The following PXDC1 variants were observed in gnomAD, a reference collection of about 807,000 sequenced individuals.
The protein encoded by PXDC1 is PX domain-containing protein 1.
PXDC1 carries 13 observed loss-of-function variants against 24.4 expected under a neutral mutation model. The observed-to-expected ratio is 0.53, with a 90% CI of 0.35 to 0.85. PXDC1 has a LOEUF of 0.85. Ranked by LOEUF, PXDC1 falls within the 40% of genes least tolerant of loss-of-function variation. The pLI is 0.01. For synonymous variants in PXDC1, 162 were observed against 124.9 expected (o/e 1.30, Z -1.98); for missense variants, 344 against 309.3 (o/e 1.11, Z -0.84).
intron 1 of PXDC1, among the ~76,000 whole-genome samples, chr6:3,748,086 CAT>C (rs1760608676): frequency 1.3e-5 from 2 of 152,182 alleles, no homozygotes; most frequent in Admixed American, 6.5e-5. Flanking sequence ...GGAAATTCAA[CAT>C]GTTTATGTTT....
At chr6:3,734,404 G>A (rs897621226) in intron 3 of PXDC1, among the ~76,000 whole-genome samples, 2 of 152,134 alleles carry the variant, frequency 1.3e-5, no homozygotes, top group Non-Finnish European at 2.9e-5. Flanking sequence ...CCCAAACAGA[G>A]CAAAACAAAC....
rs766702184 is a variant in PXDC1, at chr6:3,750,325, G to A, written c.256+951C>T. ...GAGGACTGCAGAAAAGAAGGCTGCT[G>A]GGCCACTGTCCCAATGTTCCGAGCT... On this transcript the variant is annotated intron_variant, in intron 1 of 4. Coordinates refer to ENST00000380283, the MANE Select transcript of PXDC1 (RefSeq NM_183373.4). Among the ~76,000 whole-genome samples, 6 of 152,298 alleles carry A rather than the reference G, an allele frequency of 3.9e-5. No individual in the cohort carries two copies. The South Asian group carries it at 6.2e-4, about 16-fold the overall frequency.
chr6:3,736,259 C>T (rs1210659025), intron 3 of PXDC1, among the ~76,000 whole-genome samples: 1 of 152,168 alleles, frequency 6.6e-6, no homozygotes, highest in Admixed American at 6.5e-5. Flanking sequence ...CTTCCTCCTC[C>T]ATTCAGAAAC....
chr6:3,747,325 T>C (rs1371931689), intron 1 of PXDC1, among the ~76,000 whole-genome samples: 1 of 152,158 alleles, frequency 6.6e-6, no homozygotes, highest in African/African-American at 2.4e-5. Flanking sequence ...CCTGCTCTGC[T>C]GCACCAGCCC....
chr6:3,726,435 C>T (rs1303269401), intron 4 of PXDC1, among the ~76,000 whole-genome samples: 2 of 152,256 alleles, frequency 1.3e-5, no homozygotes, highest in Non-Finnish European at 1.5e-5. Context: ...GCCTCTGCCA[C>T]CAGCAGCTCA....
At chr6:3,738,030 C>G (rs1409006264) in intron 2 of PXDC1, 27 bp downstream of exon 2, 1 of 1,572,090 alleles carries the variant, frequency 6.4e-7, no homozygotes, top group Non-Finnish European at 8.7e-7. Flanking sequence ...CACCTCCCTG[C>G]CCAGCCCGGG....
At position 3,725,045 on chromosome 6, in the gene PXDC1, G is replaced by A. The variant is rs1159105003; in HGVS notation, c.579-1309C>T. Reference sequence around the variant, plus strand: ...CGCGGCACAAAGAGCCCTAGCTGTGGGTGGGAAAGCTATGGGGGGCTCACG... The same window carrying A: ...CGCGGCACAAAGAGCCCTAGCTGTGAGTGGGAAAGCTATGGGGGGCTCACG... On this transcript the variant is annotated intron_variant, in intron 4 of 4. Transcript: ENST00000380283. This position sits in a 1 kb window ranked among gnomAD's most constrained non-coding sequence, Gnocchi z 4.8. Among the ~76,000 whole-genome samples the A allele has an allele frequency of 1.3e-5, 2 of 152,118 alleles. No homozygotes were observed. Among genetic ancestry groups the A allele is most frequent in the African/African-American group, 4.8e-5 (2 of 41,416 alleles).
chr6:3,736,570 G>C (rs1760321497), intron 3 of PXDC1, among the ~76,000 whole-genome samples: 1 of 152,200 alleles, frequency 6.6e-6, no homozygotes, highest in South Asian at 2.1e-4. Context: ...CTGCAACCCA[G>C]ATCTTAGTAA....
At position 3,725,077 on chromosome 6, in the gene PXDC1, G is replaced by C. The variant is rs1188754616; in HGVS notation, c.579-1341C>G. ...AAGCTATGGGGGGCTCACGGAGACA[G>C]AGCAGCTCTCCAACTTCATCCAGGG... On this transcript the variant is annotated intron_variant, in intron 4 of 4. Coordinates refer to ENST00000380283, the MANE Select transcript of PXDC1 (RefSeq NM_183373.4). The surrounding 1 kb of genome is among the most constrained non-coding windows in gnomAD (Gnocchi z 4.8). 1.3e-5 allele frequency among the ~76,000 whole-genome samples: 2 copies of C among 152,140 alleles called. No homozygotes were observed. Among genetic ancestry groups the C allele is most frequent in the African/African-American group, 4.8e-5 (2 of 41,422 alleles).
rs1248819879 is a variant in PXDC1, at chr6:3,728,877, G to A, written c.467-1215C>T. Among the ~76,000 whole-genome samples the A allele has an allele frequency of 6.6e-6, 1 of 152,180 alleles. No homozygotes were observed. The highest frequency in any genetic ancestry group is 2.4e-5 in the African/African-American group (1 of 41,434). ...GAGCTAAAGTCCTCCAGCTGCCCGT[G>A]AGCCTGCTCATCTCCTAACCACAGC... On this transcript the variant is annotated intron_variant, in intron 3 of 4. Transcript: ENST00000380283. This position sits in a 1 kb window ranked among gnomAD's most constrained non-coding sequence, Gnocchi z 4.0.
chr6:3,744,017 T>C (rs1760508041), intron 1 of PXDC1, among the ~76,000 whole-genome samples: 1 of 152,234 alleles, frequency 6.6e-6, no homozygotes, highest in Non-Finnish European at 1.5e-5. Flanking sequence ...CTGCCTTCTG[T>C]ACCTGGGAGG....
intron 1 of PXDC1, among the ~76,000 whole-genome samples, chr6:3,747,013 T>C (rs1760585774): frequency 6.6e-6 from 1 of 152,036 alleles, no homozygotes; most frequent in African/African-American, 2.4e-5. Context: ...ATGTCTTTGG[T>C]GATAAAGATG....
chr6:3,734,317 C>T (rs1020700938), intron 3 of PXDC1, among the ~76,000 whole-genome samples: 3 of 152,150 alleles, frequency 2.0e-5, no homozygotes, highest in African/African-American at 7.2e-5. Context: ...TCTAATCTAT[C>T]CCTCTCACTC....
At chr6:3,739,615 C>T (rs1333727708) in intron 1 of PXDC1, among the ~76,000 whole-genome samples, 1 of 152,206 alleles carries the variant, frequency 6.6e-6, no homozygotes, top group African/African-American at 2.4e-5. Context: ...CTGGCCGTCA[C>T]CAGAGGAAGG....
At chr6:3,736,545 GTGTTCTCATGACACC>G (rs1760320891) in intron 3 of PXDC1, among the ~76,000 whole-genome samples, 1 of 152,176 alleles carries the variant, frequency 6.6e-6, no homozygotes, top group Non-Finnish European at 1.5e-5. Context: ...AGCAAGTCTA[GTGTTCTCATGACACC>G]TGCAACCCAG....
chr6:3,751,225 A>T, intron 1 of PXDC1, 51 bp downstream of exon 1: 2 of 1,318,652 alleles, frequency 1.5e-6, no homozygotes, highest in Non-Finnish European at 2.0e-6. Flanking sequence ...TCCTTCGTGC[A>T]CTTCAAGGCT....
At chr6:3,746,370 A>G (rs1464612025) in intron 1 of PXDC1, among the ~76,000 whole-genome samples, 1 of 152,136 alleles carries the variant, frequency 6.6e-6, no homozygotes, top group Non-Finnish European at 1.5e-5. Context: ...AGCAAAACAG[A>G]AGGAAGAAAG....
At chr6:3,732,698 G>T (rs1229314501) in intron 3 of PXDC1, among the ~76,000 whole-genome samples, 1 of 152,236 alleles carries the variant, frequency 6.6e-6, no homozygotes, top group Non-Finnish European at 1.5e-5. Flanking sequence ...TGTGGAAACA[G>T]TCGCCGCGCC....
chr6:3,738,827 T>G, intron 1 of PXDC1: 1 of 1,303,462 alleles, frequency 7.7e-7, no homozygotes, highest in Non-Finnish European at 1.0e-6. Flanking sequence ...TCGGGTGCTT[T>G]TCTATCTCCC....
Sources: allele counts gnomAD v4.1 joint callset (sites outside exome capture counted in the v4.1 genomes callset), GRCh38; gene constraint gnomAD v4.1.1; non-coding constraint Gnocchi (gnomAD v3.1); transcripts MANE v1.5; gene names NCBI Gene and HGNC (gene_info 2026-07-23, HGNC 2026-07-21).